Variants in SEMA5B observed in about 807,000 individuals in gnomAD.
The protein encoded by SEMA5B is semaphorin-5B.
In SEMA5B, 66 loss-of-function variants were observed where a neutral mutation model predicts 135.0. The observed-to-expected ratio is 0.49, with a 90% CI of 0.40 to 0.60. The LOEUF is 0.60. Ranked by LOEUF, SEMA5B falls within the 20% of genes least tolerant of loss-of-function variation. The pLI is 0.00. For synonymous variants in SEMA5B, 690 were observed against 639.5 expected (o/e 1.08, Z -1.19); for missense variants, 1,501 against 1,566.3 (o/e 0.96, Z 0.70).
chr3:122,920,312 C>T (rs555991120), intron 12 of SEMA5B, among the ~76,000 whole-genome samples: 2 of 152,332 alleles, frequency 1.3e-5, no homozygotes, highest in South Asian at 2.1e-4. Context: ...TGGAAGGCCA[C>T]TTGGTGCCTT....
intron 1 of SEMA5B, among the ~76,000 whole-genome samples, chr3:122,995,422 C>G (rs1576398449): frequency 1.3e-5 from 2 of 152,234 alleles, no homozygotes. Context: ...CCTGGGATGA[C>G]AGGGTGGCCA....
chr3:122,920,688 C>A (rs1938301904), intron 12 of SEMA5B, among the ~76,000 whole-genome samples: 1 of 152,186 alleles, frequency 6.6e-6, no homozygotes, highest in Non-Finnish European at 1.5e-5. Flanking sequence ...TGTTCAAGAT[C>A]ATACGGTTAG....
At chr3:122,936,103 G>T (rs1441025090) in intron 5 of SEMA5B, among the ~76,000 whole-genome samples, 1 of 152,106 alleles carries the variant, frequency 6.6e-6, no homozygotes, top group Non-Finnish European at 1.5e-5. Context: ...ACTCTTTTTA[G>T]TGGAGTTTTG....
intron 1 of SEMA5B, 92 bp from the exon 2 acceptor site, chr3:122,961,393 C>T (rs34020905): frequency 1.8e-6 from 2 of 1,117,212 alleles, no homozygotes; most frequent in Admixed American, 2.5e-5. Flanking sequence ...CCCCAGGGAC[C>T]ACATGGTTGC....
At chr3:123,009,021 C>A (rs1037793851) in intron 1 of SEMA5B, among the ~76,000 whole-genome samples, 5 of 152,240 alleles carry the variant, frequency 3.3e-5, no homozygotes, top group Non-Finnish European at 5.9e-5. Context: ...CTTCCCAGAG[C>A]AGCCTGCTCC....
At chr3:122,967,275 G>A (rs183619118) in intron 1 of SEMA5B, among the ~76,000 whole-genome samples, 2 of 152,288 alleles carry the variant, frequency 1.3e-5, no homozygotes, top group African/African-American at 4.8e-5. Context: ...TAATCTTGTA[G>A]ATTTTAGGGT....
chr3:122,945,181 G>A (rs145522916), intron 3 of SEMA5B, among the ~76,000 whole-genome samples: 273 of 152,252 alleles, frequency 1.8e-3, no homozygotes, highest in Non-Finnish European at 3.4e-3. Context: ...AACTGTGATA[G>A]GCATGATTAA....
chr3:122,983,618 T>C (rs1259303381), intron 1 of SEMA5B, among the ~76,000 whole-genome samples: 1 of 145,516 alleles, frequency 6.9e-6, no homozygotes, highest in Non-Finnish European at 1.5e-5. Flanking sequence ...CTCGGGAGGC[T>C]GAGGCAGGAG....
intron 1 of SEMA5B, among the ~76,000 whole-genome samples, chr3:123,021,485 G>T (rs1942673612): frequency 1.3e-5 from 2 of 152,198 alleles, no homozygotes; most frequent in East Asian, 3.8e-4. Context: ...AGAGGCCTGA[G>T]TTGGGTGCTT....
At position 122,915,882 on chromosome 3, in the gene SEMA5B, A is replaced by T; in HGVS notation, c.1697T>A (p.Leu566Gln). The T allele has an allele frequency of 6.2e-7, 1 of 1,613,806 alleles. No homozygotes were observed. The highest frequency in any genetic ancestry group is 8.5e-7 in the Non-Finnish European group (1 of 1,179,804). The change falls in exon 13 of 23, where the codon CTG (leucine) becomes CAG (glutamine). Residue 566 changes from leucine (L) to glutamine (Q), a missense_variant. Transcript: ENST00000357599. ...CAAYRSQGACLGARDPYCGWD... is the reference protein window; with the variant it reads ...CAAYRSQGACQGARDPYCGWD... Reference sequence around the variant, plus strand: ...GCCACAGTACGGGTCCCGGGCCCCCAGGCATGCCCTGCCAGACAGACGTCC... The same window carrying T: ...GCCACAGTACGGGTCCCGGGCCCCCTGGCATGCCCTGCCAGACAGACGTCC...
chr3:122,998,364 G>A (rs1003846080), intron 1 of SEMA5B, among the ~76,000 whole-genome samples: 6 of 152,164 alleles, frequency 3.9e-5, no homozygotes, highest in African/African-American at 7.2e-5. Flanking sequence ...GAACCTTGCC[G>A]AATCCTGATC....
intron 2 of SEMA5B, among the ~76,000 whole-genome samples, chr3:122,956,871 C>CGG (rs1255869847): frequency 2.6e-5 from 4 of 152,094 alleles, no homozygotes; most frequent in Non-Finnish European, 5.9e-5. Flanking sequence ...AAGCGGGTGA[C>CGG]GGGCTGCAGT....
At chr3:122,943,318 C>T (rs891201308) in intron 4 of SEMA5B, 118 bp downstream of exon 4, 3 of 668,938 alleles carry the variant, frequency 4.5e-6, no homozygotes, top group Non-Finnish European at 7.9e-6. Flanking sequence ...GAGGGCCCAG[C>T]AGAGAGGATG....
At position 122,912,168 on chromosome 3, in the gene SEMA5B, A is replaced by G. The variant is rs759479270; in HGVS notation, c.2896+4T>C. 2 of 1,583,264 alleles carry G rather than the reference A, an allele frequency of 1.3e-6. No individual in the cohort carries two copies. The highest frequency in any genetic ancestry group is 1.7e-6 in the Non-Finnish European group (2 of 1,159,660). On this transcript the variant is annotated splice_donor_region_variant and intron_variant, in intron 19 of 22. Transcript: ENST00000357599. ...TCCCAGCCCTGGCGGGATGTGCCTC[A>G]TACCTGGGCAGGCCTGTGTGGCACA... is the stretch of plus-strand genomic sequence containing the variant.
rs374529756 is a variant in SEMA5B, at chr3:122,927,888, G to A, written c.752C>T (p.Thr251Met). ...GTCCCGACCTGAGAAGTCGATGACC[G>A]TGGCTGCATAGAGCTCCCCCTGGGA... The part of the protein sequence containing the change: ...ISSQGELYAA[T>M]VIDFSGRDPA... The change falls in exon 8 of 23, where the codon ACG becomes ATG. Residue 251 changes from threonine (T) to methionine (M), a missense_variant. This residue lies in a region of SEMA5B where 574 missense variants were observed against 684.7 expected (regional missense o/e 0.84). Coordinates refer to ENST00000357599, the MANE Select transcript of SEMA5B (RefSeq NM_001031702.4). The A allele has an allele frequency of 8.8e-6, 14 of 1,595,746 alleles. No homozygotes were observed. Among genetic ancestry groups the A allele is most frequent in the Admixed American group, 6.9e-5 (4 of 57,938 alleles).
chr3:122,914,064 C>A, intron 14 of SEMA5B, 63 bp from the exon 15 acceptor site: 1 of 1,489,154 alleles, frequency 6.7e-7, no homozygotes, highest in South Asian at 1.3e-5. Flanking sequence ...TAGATCTAGT[C>A]TGTCTCTGGG....
chr3:122,964,628 A>G (rs369843813), intron 1 of SEMA5B, among the ~76,000 whole-genome samples: 2 of 152,072 alleles, frequency 1.3e-5, no homozygotes, highest in South Asian at 2.1e-4. Flanking sequence ...CCTACTGCCA[A>G]AATGTCCATG....
At chr3:123,012,095 T>A (rs1404417570) in intron 1 of SEMA5B, among the ~76,000 whole-genome samples, 1 of 152,156 alleles carries the variant, frequency 6.6e-6, no homozygotes, top group Non-Finnish European at 1.5e-5. Context: ...TGCCTCTACC[T>A]CTATATAGTT....
intron 1 of SEMA5B, among the ~76,000 whole-genome samples, chr3:123,003,649 A>G (rs1365262553): frequency 2.0e-5 from 3 of 152,158 alleles, no homozygotes; most frequent in South Asian, 2.1e-4. Flanking sequence ...CCTGGCTAAC[A>G]TGGTGAAACC....
Sources: allele counts gnomAD v4.1 joint callset (sites outside exome capture counted in the v4.1 genomes callset), GRCh38; gene constraint gnomAD v4.1.1; regional missense constraint gnomAD v4.1.1; transcripts MANE v1.5; gene names NCBI Gene and HGNC (gene_info 2026-07-23, HGNC 2026-07-21).